ADGRG2: variants seen among roughly 807,000 people sequenced by gnomAD.
ADGRG2 encodes G protein-coupled receptor 64.
A neutral mutation model predicts 74.1 loss-of-function variants in ADGRG2; 26 were observed. The ratio of observed to expected loss-of-function variants is 0.35; its 90% CI spans 0.26 to 0.49. The LOEUF is 0.49. ADGRG2 is among the 20% of genes least tolerant of loss of function. ADGRG2 has a pLI of 0.99. For missense variants in ADGRG2, 619 were observed against 763.1 expected (o/e 0.81, Z 2.22); for synonymous variants, 296 against 295.2 (o/e 1.00, Z -0.03).
chrX:19,041,591 G>C (rs1404480652), intron 3 of ADGRG2, among the ~76,000 whole-genome samples: 1 of 111,832 alleles, frequency 8.9e-6, no homozygotes, highest in East Asian at 2.8e-4. Context: ...GGTACTGATT[G>C]TTTTCTGGGA....
chrX:19,071,045 T>G (rs1211147567), intron 2 of ADGRG2, among the ~76,000 whole-genome samples: 1 of 111,294 alleles, frequency 9.0e-6, no homozygotes, highest in Non-Finnish European at 1.9e-5. Context: ...CAGGCAGTGC[T>G]GGGATTAAGG....
At position 19,010,546 on chromosome X, in the gene ADGRG2, C is replaced by G; in HGVS notation, c.1265+67G>C. Reference sequence around the variant, plus strand: ...GAGTAAAAGACTTGGTGATATTAATCATGTGAGCAGCATCTTTATCTTTGG... The same window carrying G: ...GAGTAAAAGACTTGGTGATATTAATGATGTGAGCAGCATCTTTATCTTTGG... On this transcript the variant is annotated intron_variant, in intron 17 of 28. Coordinates refer to ENST00000379869, the MANE Select transcript of ADGRG2 (RefSeq NM_001079858.3). 3 of 899,137 alleles carry G rather than the reference C, an allele frequency of 3.3e-6. No individual in the cohort carries two copies. The East Asian group carries it at 9.5e-5, about 29-fold the overall frequency. The allele number at this position is 899,137 out of a possible 1,213,427, so 74.1% of individuals were successfully genotyped here. A position where few individuals can be genotyped will look rare whatever the true frequency, so the allele number is the denominator to read the frequency against.
chrX:19,091,003 G>A (rs2062009016), intron 1 of ADGRG2, among the ~76,000 whole-genome samples: 1 of 111,373 alleles, frequency 9.0e-6, no homozygotes. Context: ...AAACTGGAAG[G>A]GTGAGAGGAA....
chrX:19,094,184 A>T (rs747257702), intron 1 of ADGRG2, among the ~76,000 whole-genome samples: 1 of 111,135 alleles, frequency 9.0e-6, no homozygotes, highest in African/African-American at 3.3e-5. Context: ...CAGAGTATGG[A>T]TAGATGGACA....
chrX:19,093,201 G>A (rs1187724731), intron 1 of ADGRG2, among the ~76,000 whole-genome samples: 7 of 111,885 alleles, frequency 6.3e-5, no homozygotes, highest in Non-Finnish European at 1.1e-4. Flanking sequence ...TCTTCCCAGC[G>A]TCTCCTGAAC....
rs1386955989 is a variant in ADGRG2, at chrX:19,051,634, G to T, written c.119-11410C>A. On this transcript the variant is annotated intron_variant, in intron 3 of 28. Coordinates refer to ENST00000379869, the MANE Select transcript of ADGRG2 (RefSeq NM_001079858.3). ...ACACTATGGGCTTCAGAGGATAGGT[G>T]ACAAAAGGCAACAGAGCTTCTGCCT... Among the ~76,000 whole-genome samples, 3 of 111,850 alleles carry T rather than the reference G, an allele frequency of 2.7e-5. No homozygotes were observed. The Admixed American group carries it at 2.8e-4, about 11-fold the overall frequency.
intron 15 of ADGRG2, among the ~76,000 whole-genome samples, chrX:19,018,563 A>C (rs957000605): frequency 1.8e-5 from 2 of 111,397 alleles, no homozygotes; most frequent in Non-Finnish European, 3.8e-5. Flanking sequence ...AAAACAATAC[A>C]AACAGCTCTG....
intron 1 of ADGRG2, among the ~76,000 whole-genome samples, chrX:19,114,864 G>A (rs138818849): frequency 1.1e-4 from 12 of 111,234 alleles, no homozygotes; most frequent in African/African-American, 3.3e-4. Context: ...TTCAAACCCC[G>A]GACCTACTGC....
At position 19,067,192 on chromosome X, in the gene ADGRG2, A is replaced by G. The variant is rs181045391; in HGVS notation, c.118+1525T>C. On this transcript the variant is annotated intron_variant, in intron 3 of 28. Transcript: ENST00000379869. ...AAGTAACCAATGGAAACTCCCACAA[A>G]TTCTGTAACAGGGACTTTGAGCCCC... 2.8e-3 allele frequency among the ~76,000 whole-genome samples: 317 copies of G among 111,772 alleles called. 2 individuals are homozygous for G. Among genetic ancestry groups the G allele is most frequent in the Middle Eastern group, 9.3e-3 (2 of 214 alleles).
chrX:19,036,283 CT>C (rs1381233015), intron 6 of ADGRG2: 3 of 161,822 alleles, frequency 1.9e-5, no homozygotes, highest in African/African-American at 3.0e-5. Flanking sequence ...TATTTTGTCC[CT>C]TTTTTCTCTA....
chrX:19,103,757 G>A (rs2062230610), intron 1 of ADGRG2, among the ~76,000 whole-genome samples: 1 of 111,615 alleles, frequency 9.0e-6, no homozygotes, highest in Admixed American at 9.5e-5. Flanking sequence ...CAGGAGTCTG[G>A]CCTGGGGGCA....
intron 2 of ADGRG2, among the ~76,000 whole-genome samples, chrX:19,082,072 CAAAAAAAAA>C (rs57534658): frequency 4.7e-5 from 1 of 21,212 alleles, no homozygotes; most frequent in Admixed American, 8.4e-4. Flanking sequence ...GACCCTGTCT[CAAAAAAAAA>C]AAAAAAAAAA....
At chrX:19,049,438 G>GTTTTTTTTTTTT (rs752686975) in intron 3 of ADGRG2, among the ~76,000 whole-genome samples, 80 of 82,076 alleles carry the variant, frequency 9.7e-4, no homozygotes, top group African/African-American at 1.7e-3. Flanking sequence ...CGTTTTTTGT[G>GTTTTTTTTTTTT]TTTTTTTTTT....
intron 1 of ADGRG2, among the ~76,000 whole-genome samples, chrX:19,090,219 A>T (rs1159428035): frequency 1.8e-5 from 2 of 112,002 alleles, no homozygotes; most frequent in Non-Finnish European, 3.8e-5. Flanking sequence ...TCATAAAGAG[A>T]TGAACCAAGA....
intron 1 of ADGRG2, among the ~76,000 whole-genome samples, chrX:19,086,111 C>T (rs1357429167): frequency 8.9e-6 from 1 of 111,794 alleles, no homozygotes; most frequent in East Asian, 2.8e-4. Context: ...GTCCACAGAT[C>T]CCTCCTTGCC....
At chrX:19,014,404 C>T (rs893627569) in intron 15 of ADGRG2, among the ~76,000 whole-genome samples, 2 of 111,579 alleles carry the variant, frequency 1.8e-5, no homozygotes, top group African/African-American at 6.5e-5. Context: ...AGGGGAACTG[C>T]GAAATGTCTC....
chrX:19,111,609 G>A (rs1231169812), intron 1 of ADGRG2, among the ~76,000 whole-genome samples: 2 of 111,974 alleles, frequency 1.8e-5, no homozygotes, highest in Non-Finnish European at 3.8e-5. Flanking sequence ...GATATACTGA[G>A]GACTGACAAT....
Position 18,999,948 on chromosome X carries a change from A to G in ADGRG2, c.2243T>C (p.Val748Ala). 2 of 1,142,960 alleles carry G rather than the reference A, an allele frequency of 1.7e-6. No homozygotes were observed. Among genetic ancestry groups the G allele is most frequent in the Non-Finnish European group, 2.4e-6 (2 of 835,121 alleles). The allele number at this position is 1,142,960 out of a possible 1,213,427, so 94.2% of individuals were successfully genotyped here. A position where few individuals can be genotyped will look rare whatever the true frequency, so the allele number is the denominator to read the frequency against. ...FCIVGWGVPAVVVTIILTISP... is the reference protein window; with the variant it reads ...FCIVGWGVPAAVVTIILTISP... ...TATAGTCAGGATGATGGTCACAACC[A>G]CAGCTGGTACCCCTGGAAGATGGGA... is the stretch of plus-strand genomic sequence containing the variant. The change falls in exon 25 of 29, where the codon GTG becomes GCG. Residue 748 changes from valine (V) to alanine (A), a missense_variant. Val to Ala is a moderately conservative substitution (Grantham distance 64). Coordinates refer to ENST00000379869, the MANE Select transcript of ADGRG2 (RefSeq NM_001079858.3).
At position 19,102,262 on chromosome X, in the gene ADGRG2, C is replaced by CA. The variant is rs758683927; in HGVS notation, c.-46-19517dup. 8.0e-3 allele frequency among the ~76,000 whole-genome samples: 886 copies of CA among 110,191 alleles called. 6 individuals carry two copies. Among genetic ancestry groups the CA allele is most frequent in the African/African-American group, 0.027 (822 of 30,384 alleles). On this transcript the variant is annotated intron_variant, in intron 1 of 28. Transcript: ENST00000379869. ...ATGTCTTTCACATCACTCATAGATG[C>CA]AAAAAAGCAAGATGAAGGACTCATT...
Sources: allele counts gnomAD v4.1 joint callset (sites outside exome capture counted in the v4.1 genomes callset), GRCh38; gene constraint gnomAD v4.1.1; transcripts MANE v1.5; gene names NCBI Gene and HGNC (gene_info 2026-07-23, HGNC 2026-07-21).